The following TTC28 variants were observed in gnomAD, a reference collection of about 807,000 sequenced individuals.
The protein encoded by TTC28 is tetratricopeptide repeat protein 28.
A neutral mutation model predicts 198.0 loss-of-function variants in TTC28; 61 were observed. The ratio of observed to expected loss-of-function variants is 0.31; its 90% confidence interval spans 0.25 to 0.38. The LOEUF (loss-of-function observed/expected upper bound fraction) is 0.38, where lower values mean the gene tolerates loss of function less well. Ranked by LOEUF, TTC28 falls within the 10% of genes least tolerant of loss-of-function variation. TTC28 has a pLI of 1.00. For synonymous variants in TTC28, 1,171 were observed against 1,297.8 expected, an observed-to-expected ratio of 0.90 and a Z score of 2.10; for missense variants, 2,678 against 3,164.0, an observed-to-expected ratio of 0.85 and a Z score of 3.69.
Position 28,296,276 on chromosome 22 carries a change from G to A in TTC28, c.855C>T (p.Phe285=). 1 of 1,550,600 alleles carries A rather than the reference G, an allele frequency of 6.4e-7. No homozygotes were observed. Among genetic ancestry groups the A allele is most frequent in the Non-Finnish European group, 8.7e-7 (1 of 1,146,544 alleles). ...RAHGNLGSAF[F]SKGNYREALT... is the part of the protein sequence containing the mutation. ...GAGCCTCCCGGTAATTTCCTTTGGA[G>A]AAGAATGCAGAGCCCAGATTCCCAT... is the stretch of plus-strand genomic sequence containing the variant. The change falls in exon 5 of 23, where the codon TTC becomes TTT. Residue 285 remains phenylalanine (F), a synonymous_variant. Coordinates refer to ENST00000397906, the MANE Select transcript of TTC28 (RefSeq NM_001145418.2).
chr22:28,559,251 C>T (rs1366888091), intron 2 of TTC28, among the ~76,000 whole-genome samples: 1 of 152,150 alleles, frequency 6.6e-6, no homozygotes, highest in Non-Finnish European at 1.5e-5. Flanking sequence ...TCCAAAATGT[C>T]AGTTAAAATG....
chr22:28,391,003 C>T (rs1281614357), intron 2 of TTC28, among the ~76,000 whole-genome samples: 13 of 152,182 alleles, frequency 8.5e-5, no homozygotes, highest in South Asian at 6.2e-4. Flanking sequence ...CCATGTTTAG[C>T]GCTTCCTTCA....
At chr22:28,114,998 C>T (rs941786550) in intron 6 of TTC28, among the ~76,000 whole-genome samples, 45 of 152,098 alleles carry the variant, frequency 3.0e-4, no homozygotes, top group Middle Eastern at 3.2e-3. Context: ...GTGCCTGGCT[C>T]GCTGCTCCAT....
intron 2 of TTC28, among the ~76,000 whole-genome samples, chr22:28,625,823 G>A (rs774718441): frequency 6.6e-6 from 1 of 152,102 alleles, no homozygotes; most frequent in Non-Finnish European, 1.5e-5. Flanking sequence ...AAGGCATTAT[G>A]GTTAAGGCAT....
At chr22:28,415,813 T>C (rs944195497) in intron 2 of TTC28, among the ~76,000 whole-genome samples, 1 of 150,630 alleles carries the variant, frequency 6.6e-6, no homozygotes, top group Admixed American at 6.6e-5. Flanking sequence ...ACATCTTCCT[T>C]CAGTGCTTTA....
chr22:28,025,218 G>A (rs564972364), intron 13 of TTC28, among the ~76,000 whole-genome samples: 1 of 152,310 alleles, frequency 6.6e-6, no homozygotes, highest in East Asian at 1.9e-4. Context: ...TCACCCCTCA[G>A]AAAAGAGCCT....
Position 28,276,106 on chromosome 22 carries a change from G to A in TTC28, c.933+20092C>T, listed in dbSNP as rs538142238. Among the ~76,000 whole-genome samples the A allele has an allele frequency of 3.9e-5, 6 of 151,978 alleles. No individual in the cohort carries two copies. In the South Asian group the frequency reaches 1.0e-3, roughly 26 times the overall value. ...GGCTCACTGTAGCCTCCAACTCCAG[G>A]ACTCCAATGATCTTCCCACCTCAGC... On this transcript the variant is annotated intron_variant, in intron 5 of 22. Transcript: ENST00000397906.
In TTC28 at chr22:28,030,227, T is replaced by C. The variant is rs1426560374; in HGVS notation, c.4072A>G (p.Arg1358Gly). The stretch of plus-strand genomic sequence containing the variant: ...CTGGGGAAAGCGCCCCACACTCACC[T>C]GTTAAACAGGTTATTGCGGCGAACC... ...RMVRRNNLFN[R>G]SCQSMTSLFS... The change falls in exon 13 of 23, where the codon AGG (arginine) becomes GGG (glycine). Residue 1358 changes from arginine (R) to glycine (G), a missense_variant and splice_region_variant. Transcript: ENST00000397906. 1 of 1,551,670 alleles carries C rather than the reference T, an allele frequency of 6.4e-7. No homozygotes were observed. The highest frequency in any genetic ancestry group is 8.7e-7 in the Non-Finnish European group (1 of 1,146,990).
At chr22:28,316,925 C>A (rs747194075) in intron 2 of TTC28, among the ~76,000 whole-genome samples, 1 of 151,996 alleles carries the variant, frequency 6.6e-6, no homozygotes, top group Non-Finnish European at 1.5e-5. Flanking sequence ...CACTACCATG[C>A]CTGGCTAACT....
intron 12 of TTC28, among the ~76,000 whole-genome samples, chr22:28,039,832 C>T (rs992469490): frequency 6.6e-6 from 1 of 152,042 alleles, no homozygotes; most frequent in Admixed American, 6.6e-5. Flanking sequence ...AATTGATAGA[C>T]TGCTAGCAAG....
intron 3 of TTC28, among the ~76,000 whole-genome samples, chr22:28,299,799 C>T (rs1037337678): frequency 3.3e-5 from 5 of 152,154 alleles, no homozygotes; most frequent in Admixed American, 6.5e-5. Context: ...TGGGACATAA[C>T]CAAGATAAGA....
At chr22:27,983,976 T>C (rs577010286) in intron 22 of TTC28, 125 bp from the exon 23 acceptor site, 2 of 1,016,410 alleles carry the variant, frequency 2.0e-6, no homozygotes, top group East Asian at 5.3e-5. Flanking sequence ...GAGCTACTCA[T>C]ATTAATCTTA....
intron 1 of TTC28, among the ~76,000 whole-genome samples, chr22:28,658,122 T>C (rs997824038): frequency 1.3e-5 from 2 of 152,190 alleles, no homozygotes; most frequent in African/African-American, 2.4e-5. Flanking sequence ...CTTATGCATC[T>C]GAAGTTATTA....
In TTC28 at chr22:28,424,426, T is replaced by C. The variant is rs555394096; in HGVS notation, c.382-117783A>G. Among the ~76,000 whole-genome samples, 602 of 152,318 alleles carry C rather than the reference T, an allele frequency of 4.0e-3. 2 individuals are homozygous for C. Among genetic ancestry groups the C allele is most frequent in the Admixed American group, 7.4e-3 (113 of 15,302 alleles). On this transcript the variant is annotated intron_variant, in intron 2 of 22. Transcript: ENST00000397906. Reference sequence around the variant, plus strand: ...CAGTGTTCTCAAGATTTTTACTACATACTTCTATTAGAATACTTGGAACAT... The same window carrying C: ...CAGTGTTCTCAAGATTTTTACTACACACTTCTATTAGAATACTTGGAACAT...
chr22:28,046,703 C>T (rs1939877325), intron 12 of TTC28, among the ~76,000 whole-genome samples: 1 of 152,148 alleles, frequency 6.6e-6, no homozygotes. Flanking sequence ...TGCCTGTACA[C>T]ATAGGATATA....
intron 2 of TTC28, among the ~76,000 whole-genome samples, chr22:28,438,828 C>A (rs1213799608): frequency 2.0e-5 from 3 of 152,122 alleles, no homozygotes; most frequent in Non-Finnish European, 2.9e-5. Flanking sequence ...TTTTTCCAGG[C>A]CAATAAGGTT....
intron 12 of TTC28, among the ~76,000 whole-genome samples, chr22:28,060,461 G>GTA (rs1484867339): frequency 6.6e-6 from 1 of 152,194 alleles, no homozygotes; most frequent in African/African-American, 2.4e-5. Flanking sequence ...ATTCCATGGT[G>GTA]TATATGTGCC....
intron 2 of TTC28, among the ~76,000 whole-genome samples, chr22:28,311,310 A>C (rs1014528753): frequency 1.3e-5 from 2 of 152,152 alleles, no homozygotes; most frequent in Non-Finnish European, 2.9e-5. Context: ...TGCTGATGCT[A>C]GTTTTTAAAA....
intron 2 of TTC28, among the ~76,000 whole-genome samples, chr22:28,359,740 C>T (rs1194613379): frequency 6.6e-6 from 1 of 152,126 alleles, no homozygotes; most frequent in East Asian, 1.9e-4. Context: ...GTTTATAGAT[C>T]ACAATAGGCT....
Sources: gnomAD v4.1 joint callset for allele counts (sites outside exome capture counted in the v4.1 genomes callset) on GRCh38, gnomAD v4.1.1 for gene constraint, MANE v1.5 for transcripts, NCBI Gene and HGNC (gene_info 2026-07-23, HGNC 2026-07-21) for gene names.